WNT2: variants seen among roughly 807,000 people sequenced by gnomAD.
The protein encoded by WNT2 is protein Wnt-2.
Under a neutral mutation model 36.9 loss-of-function variants are expected in WNT2, and 12 were observed. The ratio of observed to expected loss-of-function variants is 0.33; its 90% CI spans 0.21 to 0.53. WNT2 has a LOEUF of 0.53. Ranked by LOEUF, WNT2 falls within the 20% of genes least tolerant of loss-of-function variation. The pLI, the probability that WNT2 is intolerant of heterozygous loss-of-function variation, is 0.95. For synonymous variants in WNT2, 163 were observed against 174.6 expected (o/e 0.93, Z 0.52); for missense variants, 379 against 473.1 (o/e 0.80, Z 1.84).
intron 3 of WNT2, among the ~76,000 whole-genome samples, chr7:117,311,921 C>T (rs1195411537): frequency 2.0e-5 from 3 of 152,136 alleles, no homozygotes; most frequent in African/African-American, 7.2e-5. Context: ...GATTTGAAGT[C>T]CCATGTTCTT....
intron 3 of WNT2, among the ~76,000 whole-genome samples, chr7:117,309,435 AC>A (rs1213410628): frequency 1.3e-5 from 2 of 151,678 alleles, no homozygotes. Context: ...GGACCCCCTC[AC>A]CCTCTGAGCT....
chr7:117,288,386 C>T (rs748249900), intron 4 of WNT2, among the ~76,000 whole-genome samples: 10 of 152,148 alleles, frequency 6.6e-5, no homozygotes, highest in Non-Finnish European at 1.3e-4. Flanking sequence ...ATGCAGCAAT[C>T]TGTAGCACCA....
intron 4 of WNT2, among the ~76,000 whole-genome samples, chr7:117,294,045 G>A (rs1563200747): frequency 1.3e-5 from 2 of 152,146 alleles, no homozygotes; most frequent in African/African-American, 2.4e-5. Flanking sequence ...AAGTGGCCAG[G>A]ATAAAACCTC....
chr7:117,303,610 T>C (rs1238111562), intron 3 of WNT2, among the ~76,000 whole-genome samples: 2 of 152,222 alleles, frequency 1.3e-5, no homozygotes, highest in African/African-American at 4.8e-5. Context: ...CTGGAGACAT[T>C]TTATTTGGAT....
At position 117,322,572 on chromosome 7, in the gene WNT2, C is replaced by CAG. The variant is rs3034485; in HGVS notation, c.83+334_83+335insCT. ...ACACACACACACACACACACACACA[C>CAG]GTCTGTGCTAGAGCTGGAGACCAGG... On this transcript the variant is annotated intron_variant, in intron 1 of 4. Transcript: ENST00000265441. The surrounding 1 kb of genome is among the most constrained non-coding windows in gnomAD (Gnocchi z 5.4). Among the ~76,000 whole-genome samples the CAG allele has an allele frequency of 1.3e-5, 2 of 151,446 alleles. No individual in the cohort carries two copies. The highest frequency in any genetic ancestry group is 4.9e-5 in the African/African-American group (2 of 41,190).
At chr7:117,300,312 G>C (rs573726836) in intron 3 of WNT2, among the ~76,000 whole-genome samples, 2 of 152,058 alleles carry the variant, frequency 1.3e-5, no homozygotes, top group African/African-American at 4.8e-5. Flanking sequence ...TCAGCCTCCC[G>C]AATAGCTGGG....
intron 3 of WNT2, among the ~76,000 whole-genome samples, chr7:117,300,511 A>G (rs1252225502): frequency 6.6e-6 from 1 of 152,124 alleles, no homozygotes; most frequent in Non-Finnish European, 1.5e-5. Flanking sequence ...TAAAAGAGAC[A>G]CGTGAGGTGG....
At chr7:117,298,396 G>A (rs866498892) in intron 3 of WNT2, among the ~76,000 whole-genome samples, 2 of 152,130 alleles carry the variant, frequency 1.3e-5, no homozygotes, top group Non-Finnish European at 2.9e-5. Context: ...GCAGATGACC[G>A]AGAAGCAAGG....
In WNT2 at chr7:117,322,460, G is replaced by A. The variant is rs1356088804; in HGVS notation, c.83+447C>T. Among the ~76,000 whole-genome samples the A allele has an allele frequency of 6.7e-6, 1 of 150,196 alleles. No individual in the cohort carries two copies. The highest frequency in any genetic ancestry group is 2.5e-5 in the African/African-American group (1 of 40,726). ...AACTCCTGACTGGCTGAATTGGCCC[G>A]TCGATTTACCTTGAGGCAGTTTTGG... On this transcript the variant is annotated intron_variant, in intron 1 of 4. Coordinates refer to ENST00000265441, the MANE Select transcript of WNT2 (RefSeq NM_003391.3). The surrounding 1 kb of genome is among the most constrained non-coding windows in gnomAD (Gnocchi z 5.4).
At chr7:117,311,968 T>C (rs1206249505) in intron 3 of WNT2, among the ~76,000 whole-genome samples, 1 of 152,224 alleles carries the variant, frequency 6.6e-6, no homozygotes, top group Non-Finnish European at 1.5e-5. Context: ...TTAGGGAAAG[T>C]ATTTTCATGG....
chr7:117,280,578 GCAAA>G (rs1794464369), intron 4 of WNT2, among the ~76,000 whole-genome samples: 1 of 152,196 alleles, frequency 6.6e-6, no homozygotes, highest in Non-Finnish European at 1.5e-5. Flanking sequence ...AAGCACCACA[GCAAA>G]CAGAGCTCAA....
At chr7:117,314,731 A>C (rs39312) in intron 3 of WNT2, among the ~76,000 whole-genome samples, 64,518 of 152,004 alleles carry the variant, frequency 0.42, 14,045 homozygotes, top group African/African-American at 0.52. Flanking sequence ...ATTCAGTGTA[A>C]CATTGCTATG....
At chr7:117,302,586 C>T (rs896382839) in intron 3 of WNT2, among the ~76,000 whole-genome samples, 3 of 152,106 alleles carry the variant, frequency 2.0e-5, no homozygotes, top group Non-Finnish European at 4.4e-5. Context: ...TCTGCACAAG[C>T]TTGGAAGGAT....
At position 117,322,839 on chromosome 7, in the gene WNT2, G is replaced by A; in HGVS notation, c.83+68C>T. 1.3e-6 allele frequency: 2 copies of A among 1,518,166 alleles called. No homozygotes were observed. Among genetic ancestry groups the A allele is most frequent in the Non-Finnish European group, 1.8e-6 (2 of 1,097,112 alleles). The allele number at this position is 1,518,166 out of a possible 1,614,324, so 94.0% of individuals were successfully genotyped here. A position where few individuals can be genotyped will look rare whatever the true frequency, so the allele number is the denominator to read the frequency against. On this transcript the variant is annotated intron_variant, in intron 1 of 4. Transcript: ENST00000265441. This position sits in a 1 kb window ranked among gnomAD's most constrained non-coding sequence, Gnocchi z 5.4. ...CCGCGGGGGAACGCAGCCAGGAAGG[G>A]TCTATGTGGCCAATGCGGTCCCCAT...
chr7:117,292,584 C>T (rs1038732075), intron 4 of WNT2, among the ~76,000 whole-genome samples: 15 of 152,150 alleles, frequency 9.9e-5, no homozygotes, highest in East Asian at 1.9e-4. Flanking sequence ...CCTGGGGTCT[C>T]GACTCTGCAA....
intron 2 of WNT2, among the ~76,000 whole-genome samples, chr7:117,316,529 C>G (rs894058367): frequency 2.6e-5 from 4 of 152,202 alleles, no homozygotes; most frequent in Non-Finnish European, 5.9e-5. Flanking sequence ...TTGAACCACA[C>G]AGCTGGGAGA....
intron 2 of WNT2, among the ~76,000 whole-genome samples, chr7:117,318,665 G>A (rs1795264935): frequency 6.6e-6 from 1 of 152,146 alleles, no homozygotes; most frequent in Non-Finnish European, 1.5e-5. Flanking sequence ...AGCCTCCCAA[G>A]TAGCTGGGAT....
chr7:117,286,721 A>G (rs959190536), intron 4 of WNT2, among the ~76,000 whole-genome samples: 1 of 152,106 alleles, frequency 6.6e-6, no homozygotes, highest in Non-Finnish European at 1.5e-5. Context: ...TCCACTGGTC[A>G]GGCTCACCCC....
chr7:117,304,716 G>A (rs565695455), intron 3 of WNT2, among the ~76,000 whole-genome samples: 16 of 152,290 alleles, frequency 1.1e-4, no homozygotes, highest in East Asian at 9.6e-4. Context: ...GATTACAGGC[G>A]TGAGCCACCG....
Sources: gnomAD v4.1 joint callset for allele counts (sites outside exome capture counted in the v4.1 genomes callset) on GRCh38, gnomAD v4.1.1 for gene constraint, Gnocchi (gnomAD v3.1) non-coding constraint, MANE v1.5 for transcripts, NCBI Gene and HGNC (gene_info 2026-07-23, HGNC 2026-07-21) for gene names.